GALP: variants seen among roughly 807,000 people sequenced by gnomAD.
GALP encodes the protein galanin-like peptide.
In GALP, 12 loss-of-function variants were observed where a neutral mutation model predicts 15.2. That is an observed-to-expected ratio of 0.79 (90% CI 0.51 to 1.28). GALP has a LOEUF of 1.28. GALP is among the 50% of genes most tolerant of loss of function. The pLI is 0.00. For synonymous variants in GALP, 58 were observed against 55.1 expected (o/e 1.05, Z -0.23); for missense variants, 161 against 145.6 (o/e 1.11, Z -0.55).
intron 5 of GALP, 75 bp downstream of exon 5, chr19:56,183,287 G>A: frequency 3.2e-6 from 4 of 1,251,018 alleles, no homozygotes; most frequent in South Asian, 1.2e-5. Flanking sequence ...GAGCTTAGAG[G>A]GTAAAGGAAG....
At chr19:56,184,489 T>TC (rs1417904306) in intron 5 of GALP, among the ~76,000 whole-genome samples, 18 of 143,722 alleles carry the variant, frequency 1.3e-4, no homozygotes, top group Non-Finnish European at 2.3e-4. Flanking sequence ...TTTTTCTTTT[T>TC]TTTTTTTTTT....
intron 5 of GALP, among the ~76,000 whole-genome samples, chr19:56,183,983 T>A (rs954104726): frequency 7.9e-5 from 12 of 151,004 alleles, no homozygotes; most frequent in African/African-American, 2.9e-4. Flanking sequence ...TCTTAAGGAG[T>A]CCCTCTCTAT....
intron 2 of GALP, among the ~76,000 whole-genome samples, chr19:56,178,199 C>T (rs2032498559): frequency 6.6e-6 from 1 of 151,340 alleles, no homozygotes; most frequent in Admixed American, 6.6e-5. Flanking sequence ...CCCAGTGGCT[C>T]ACTCCTGTAA....
chr19:56,184,484 C>CTTTTTTT (rs11414322), intron 5 of GALP, among the ~76,000 whole-genome samples: 72 of 117,606 alleles, frequency 6.1e-4, no homozygotes, highest in African/African-American at 7.7e-4. Flanking sequence ...TTTTCTTTTT[C>CTTTTTTT]TTTTTTTTTT....
At position 56,176,359 on chromosome 19, in the gene GALP, C is replaced by G. The variant is rs1396988501; in HGVS notation, c.-40+297C>G. On this transcript the variant is annotated intron_variant, in intron 1 of 5. Coordinates refer to ENST00000357330, the MANE Select transcript of GALP (RefSeq NM_033106.4). ...GCAGAGGGGCGGATCCCAGCTGCAC[C>G]GGGGTGAGAGCCTAGGCCAGGAGGG... 1.5e-3 allele frequency among the ~76,000 whole-genome samples: 95 copies of G among 61,916 alleles called. No individual in the cohort carries two copies. The Admixed American group carries it at 0.019, about 12-fold the overall frequency. 40.6% of individuals were successfully genotyped at this position (61,916 alleles called of 152,430 possible). A position where few individuals can be genotyped will look rare whatever the true frequency, so the allele number is the denominator to read the frequency against.
Position 56,177,054 on chromosome 19 carries a change from C to T in GALP, c.-39-16C>T, listed in dbSNP as rs1157552373. 1.4e-5 allele frequency: 19 copies of T among 1,372,778 alleles called. No homozygotes were observed. The highest frequency in any genetic ancestry group is 1.9e-5 in the Admixed American group (1 of 53,098). The allele number at this position is 1,372,778 out of a possible 1,614,324, so 85.0% of individuals were successfully genotyped here. A position where few individuals can be genotyped will look rare whatever the true frequency, so the allele number is the denominator to read the frequency against. On this transcript the variant is annotated splice_polypyrimidine_tract_variant and intron_variant, in intron 1 of 5. Coordinates refer to ENST00000357330, the MANE Select transcript of GALP (RefSeq NM_033106.4). ...GCCCCCGCTTCGGAAAATGACTGGC[C>T]GCTCTCTCCTTGCAGCGTGTTCCGC...
chr19:56,179,474 T>TTTTA (rs2032524894), intron 2 of GALP, among the ~76,000 whole-genome samples: 2 of 148,702 alleles, frequency 1.3e-5, no homozygotes, highest in Admixed American at 1.4e-4. Flanking sequence ...CGCCCGGCTA[T>TTTTA]TATATATATA....
intron 3 of GALP, 71 bp downstream of exon 3, chr19:56,180,705 T>C: frequency 1.5e-6 from 2 of 1,306,932 alleles, no homozygotes. Flanking sequence ...AGTGAGTTTG[T>C]GGCTTGTAAA....
intron 3 of GALP, 129 bp from the exon 4 acceptor site, chr19:56,182,043 C>T (rs761949006): frequency 4.0e-5 from 28 of 705,452 alleles, no homozygotes; most frequent in South Asian, 1.1e-4. Flanking sequence ...ACGGTCAACA[C>T]GCACCCCGTC....
chr19:56,180,708 C>T, intron 3 of GALP, 74 bp downstream of exon 3: 4 of 1,192,768 alleles, frequency 3.4e-6, no homozygotes, highest in Non-Finnish European at 5.0e-6. Flanking sequence ...GAGTTTGTGG[C>T]TTGTAAAGAC....
chr19:56,184,879 G>T (rs529496937), intron 5 of GALP, among the ~76,000 whole-genome samples: 19 of 152,190 alleles, frequency 1.2e-4, no homozygotes, highest in Non-Finnish European at 2.6e-4. Context: ...TACTGGGTAT[G>T]ATACGCTCCC....
intron 5 of GALP, among the ~76,000 whole-genome samples, chr19:56,183,753 A>G (rs774484826): frequency 1.6e-4 from 25 of 152,062 alleles, no homozygotes; most frequent in Admixed American, 9.8e-4. Context: ...ACGCGCCACC[A>G]TGTCCGGCTA....
chr19:56,180,445 C>T, intron 2 of GALP, 141 bp from the exon 3 acceptor site: 3 of 665,034 alleles, frequency 4.5e-6, no homozygotes, highest in East Asian at 2.7e-5. Flanking sequence ...TCAATTTCCT[C>T]ATCGGTGCAA....
intron 3 of GALP, among the ~76,000 whole-genome samples, chr19:56,180,919 T>C (rs111266479): frequency 8.6e-4 from 85 of 99,080 alleles, no homozygotes; most frequent in African/African-American, 2.9e-3. Context: ...TTCTTTCTTT[T>C]TTTTTTTTTT....
At chr19:56,184,860 A>G (rs1050144308) in intron 5 of GALP, among the ~76,000 whole-genome samples, 1 of 152,186 alleles carries the variant, frequency 6.6e-6, no homozygotes, top group Non-Finnish European at 1.5e-5. Flanking sequence ...AAAAGCATGT[A>G]CTGGACAATA....
At chr19:56,183,742 C>T (rs944301575) in intron 5 of GALP, among the ~76,000 whole-genome samples, 5 of 152,028 alleles carry the variant, frequency 3.3e-5, no homozygotes, top group South Asian at 2.1e-4. Flanking sequence ...GGATTACAGG[C>T]ACGCGCCACC....
In GALP at chr19:56,179,281, A is replaced by C. The variant is rs562026655; in HGVS notation, c.88-1305A>C. On this transcript the variant is annotated intron_variant, in intron 2 of 5. Transcript: ENST00000357330. Reference sequence around the variant, plus strand: ...GTTGCAATTTGTTGCAATTTGCAGAATCTTTCTGGGCCTCAAGAGCCTCTT... The same window carrying C: ...GTTGCAATTTGTTGCAATTTGCAGACTCTTTCTGGGCCTCAAGAGCCTCTT... Among the ~76,000 whole-genome samples, 13 of 150,530 alleles carry C rather than the reference A, an allele frequency of 8.6e-5. No homozygotes were observed. The South Asian group carries it at 2.1e-3, about 24-fold the overall frequency.
At chr19:56,183,103 C>A in intron 4 of GALP, 32 bp from the exon 5 acceptor site, 1 of 1,469,766 alleles carries the variant, frequency 6.8e-7, no homozygotes, top group Non-Finnish European at 9.5e-7. Flanking sequence ...TAACTACGAA[C>A]GTGTGTGTGA....
intron 3 of GALP, among the ~76,000 whole-genome samples, chr19:56,181,084 C>T (rs1188659003): frequency 1.3e-5 from 2 of 151,630 alleles, no homozygotes; most frequent in Non-Finnish European, 2.9e-5. Flanking sequence ...CCCAACAGCA[C>T]GCCCGGCTAA....
Sources: allele counts gnomAD v4.1 joint callset (sites outside exome capture counted in the v4.1 genomes callset), GRCh38; gene constraint gnomAD v4.1.1; transcripts MANE v1.5; gene names NCBI Gene and HGNC (gene_info 2026-07-23, HGNC 2026-07-21).